Variants in PCSK6 observed in about 807,000 individuals in gnomAD.
PCSK6 encodes the protein proprotein convertase subtilisin/kexin type 6.
A neutral mutation model predicts 123.3 loss-of-function variants in PCSK6; 85 were observed. That is an observed-to-expected ratio of 0.69 (90% confidence interval 0.58 to 0.83). The LOEUF (loss-of-function observed/expected upper bound fraction) is 0.83, where lower values mean the gene tolerates loss of function less well. Ranked by LOEUF, PCSK6 falls within the 40% of genes least tolerant of loss-of-function variation. PCSK6 has a pLI of 0.00. For missense variants in PCSK6, 1,191 were observed against 1,282.3 expected, an observed-to-expected ratio of 0.93 and a Z score of 1.09; for synonymous variants, 508 against 516.0, an observed-to-expected ratio of 0.98 and a Z score of 0.21.
At chr15:101,396,446 C>T (rs945963440) in intron 7 of PCSK6, among the ~76,000 whole-genome samples, 2 of 152,194 alleles carry the variant, frequency 1.3e-5, no homozygotes, top group South Asian at 2.1e-4. Context: ...AAATGACAGA[C>T]GCTCAGCAGG....
At position 101,318,332 on chromosome 15, in the gene PCSK6, G is replaced by A. The variant is rs1205244961; in HGVS notation, c.2556C>T (p.Cys852=). 6.4e-6 allele frequency: 10 copies of A among 1,558,480 alleles called. No homozygotes were observed. In the Admixed American group the frequency reaches 9.6e-5, roughly 15 times the overall value. The part of the protein sequence containing the change: ...LIRCGECHHT[C]GTCVGPGREE... ...CGGTGAACTCACCCACGCAGGTTCC[G>A]CAGGTGTGATGGCATTCCCCACATC... Residue 852 remains cysteine, a synonymous_variant, in exon 19 of 22, where the codon TGC becomes TGT. Coordinates refer to ENST00000611716, the MANE Select transcript of PCSK6 (RefSeq NM_002570.5).
In PCSK6 at chr15:101,489,168, C is replaced by A. The variant is rs1359586991; in HGVS notation, c.297+206G>T. Reference sequence around the variant, plus strand: ...CCACGCGGGACCCCAGTCCCCCCCACCCCGCCGAGTGTCCCGCGCGCGCCC... The same window carrying A: ...CCACGCGGGACCCCAGTCCCCCCCAACCCGCCGAGTGTCCCGCGCGCGCCC... On this transcript the variant is annotated intron_variant, in intron 1 of 21. Coordinates refer to ENST00000611716, the MANE Select transcript of PCSK6 (RefSeq NM_002570.5). 1.7e-4 allele frequency among the ~76,000 whole-genome samples: 2 copies of A among 12,024 alleles called. 1 individual carries two copies. The highest frequency in any genetic ancestry group is 3.6e-4 in the African/African-American group (2 of 5,626). 7.9% of individuals were successfully genotyped at this position (12,024 alleles called of 152,430 possible). A position where few individuals can be genotyped will look rare whatever the true frequency, so the allele number is the denominator to read the frequency against.
In PCSK6 at chr15:101,398,528, G is replaced by A. The variant is rs762049234; in HGVS notation, c.872C>T (p.Ser291Leu). Residue 291 changes from serine (S) to leucine (L), a missense_variant, in exon 7 of 22, where the codon TCG becomes TTG. Ser to Leu is a moderately radical substitution (Grantham distance 145, BLOSUM62 -2). Transcript: ENST00000611716. The surrounding 1 kb of genome is among the most constrained non-coding windows in gnomAD (Gnocchi z 4.6). Reference protein sequence around the residue: ...GDVTDVVEAKSLGIRPNYIDI... With the variant: ...GDVTDVVEAKLLGIRPNYIDI... Reference sequence around the variant, plus strand: ...GATGTAGTTGGGTCTGATGCCCAGCGACTTTGCCTCGACCACATCTGTGAC... The same window carrying A: ...GATGTAGTTGGGTCTGATGCCCAGCAACTTTGCCTCGACCACATCTGTGAC... 3.7e-6 allele frequency: 6 copies of A among 1,613,672 alleles called. No individual in the cohort carries two copies. Among genetic ancestry groups the A allele is most frequent in the African/African-American group, 1.3e-5 (1 of 74,940 alleles).
intron 10 of PCSK6, 38 bp from the exon 11 acceptor site, chr15:101,382,247 C>G (rs900084195): frequency 6.8e-7 from 1 of 1,481,034 alleles, no homozygotes. Context: ...GCTCTCCTGC[C>G]TCTCCCAGGA....
Position 101,324,882 on chromosome 15 carries a change from G to C in PCSK6, c.2345C>G (p.Thr782Ser). ...AGCATAAAATCCTGCAGGACAGAGG[G>C]TCACACAGGTGTTCATCTCCTGGTG... ...YHHQEMNTCVTLCPAGFYADE... is the reference protein window; with the variant it reads ...YHHQEMNTCVSLCPAGFYADE... Residue 782 changes from threonine (T) to serine (S), a missense_variant, in exon 17 of 22, where the codon ACC becomes AGC. Physicochemically the swap from Thr to Ser is moderately conservative, Grantham distance 58. Transcript: ENST00000611716. 1.2e-6 allele frequency: 2 copies of C among 1,613,558 alleles called. No individual in the cohort carries two copies. Among genetic ancestry groups the C allele is most frequent in the Non-Finnish European group, 1.7e-6 (2 of 1,179,872 alleles).
intron 12 of PCSK6, among the ~76,000 whole-genome samples, chr15:101,369,382 C>A (rs1470333479): frequency 6.6e-6 from 1 of 152,238 alleles, no homozygotes. Context: ...ATCTCTGCAG[C>A]TCCCTATAGC....
intron 1 of PCSK6, among the ~76,000 whole-genome samples, chr15:101,489,064 T>C (rs1249883434): frequency 6.7e-6 from 1 of 148,868 alleles, no homozygotes; most frequent in African/African-American, 2.4e-5. Flanking sequence ...CCCCGGCTTC[T>C]GAGGCCACAC....
At position 101,331,837 on chromosome 15, in the gene PCSK6, C is replaced by T; in HGVS notation, c.2038+15G>A. 6.2e-7 allele frequency: 1 copy of T among 1,611,730 alleles called. No individual in the cohort carries two copies. Among genetic ancestry groups the T allele is most frequent in the Non-Finnish European group, 8.5e-7 (1 of 1,178,330 alleles). On this transcript the variant is annotated intron_variant, in intron 14 of 21. Coordinates refer to ENST00000611716, the MANE Select transcript of PCSK6 (RefSeq NM_002570.5). Reference sequence around the variant, plus strand: ...CGTGGAAGCTGGCCGTCTCCTCTTACTTCAGGCTCATTACCTGTGTAATCT... The same window carrying T: ...CGTGGAAGCTGGCCGTCTCCTCTTATTTCAGGCTCATTACCTGTGTAATCT...
chr15:101,365,266 C>A (rs1284135054), intron 13 of PCSK6, among the ~76,000 whole-genome samples: 1 of 152,038 alleles, frequency 6.6e-6, no homozygotes, highest in African/African-American at 2.4e-5. Context: ...AGAGCACAAG[C>A]AACAGAAGAA....
At chr15:101,427,491 G>A (rs1436085027) in intron 6 of PCSK6, among the ~76,000 whole-genome samples, 1 of 152,172 alleles carries the variant, frequency 6.6e-6, no homozygotes, top group African/African-American at 2.4e-5. Flanking sequence ...AGGCTTGAGT[G>A]GGAGTCAGAA....
At position 101,398,279 on chromosome 15, in the gene PCSK6, C is replaced by T. The variant is rs891209638; in HGVS notation, c.996+125G>A. The T allele has an allele frequency of 1.7e-6, 2 of 1,201,782 alleles. No individual in the cohort carries two copies. Among genetic ancestry groups the T allele is most frequent in the African/African-American group, 3.0e-5 (2 of 66,184 alleles). 74.4% of individuals were successfully genotyped at this position (1,201,782 alleles called of 1,614,324 possible). A position where few individuals can be genotyped will look rare whatever the true frequency, so the allele number is the denominator to read the frequency against. On this transcript the variant is annotated intron_variant, in intron 7 of 21. Coordinates refer to ENST00000611716, the MANE Select transcript of PCSK6 (RefSeq NM_002570.5). The surrounding 1 kb of genome is among the most constrained non-coding windows in gnomAD (Gnocchi z 4.6). ...TGACTCCTCCACACTGGCCCTGGCA[C>T]CTGTCACAGCAGAGTCTTCCCTGTC...
rs750971898 is a variant in PCSK6, at chr15:101,307,275, C to T, written c.2750G>A (p.Arg917Lys). ...SCAGSSRNCS[R>K]CKTGFTQLGT... ...CAGCTGTGTGAAGCCCGTCTTACAC[C>T]TGCTACAGTTCCTGCTGGAGCCTGC... Residue 917 changes from arginine to lysine, a missense_variant, in exon 21 of 22, where the codon AGG becomes AAG. Arg to Lys is a conservative substitution (Grantham distance 26). This residue lies in a region of PCSK6 where 630 missense variants were observed against 631.4 expected (regional missense o/e 1.00). Coordinates refer to ENST00000611716, the MANE Select transcript of PCSK6 (RefSeq NM_002570.5). 6.2e-7 allele frequency: 1 copy of T among 1,613,720 alleles called. No individual in the cohort carries two copies. The highest frequency in any genetic ancestry group is 1.3e-5 in the African/African-American group (1 of 74,908).
At chr15:101,337,079 A>G (rs1047319785) in intron 13 of PCSK6, 1 of 150,808 alleles carries the variant, frequency 6.6e-6, no homozygotes, top group East Asian at 1.9e-4. Context: ...ATCTCAGCTC[A>G]CTGCAAGCTC....
intron 9 of PCSK6, among the ~76,000 whole-genome samples, chr15:101,386,990 C>G (rs769046532): frequency 3.3e-5 from 5 of 152,162 alleles, no homozygotes; most frequent in Non-Finnish European, 5.9e-5. Context: ...TCACCCATGG[C>G]GTTAAGTCTT....
chr15:101,487,790 G>A (rs2058053350), intron 1 of PCSK6, among the ~76,000 whole-genome samples: 1 of 152,162 alleles, frequency 6.6e-6, no homozygotes, highest in African/African-American at 2.4e-5. Context: ...GCCAGGGAGA[G>A]TCAAGAACTA....
chr15:101,335,763 A>G (rs756982421), intron 13 of PCSK6, among the ~76,000 whole-genome samples: 1 of 152,200 alleles, frequency 6.6e-6, no homozygotes. Context: ...TAGCTTAACT[A>G]TGGGGATACC....
rs1242907606 is a variant in PCSK6, at chr15:101,432,045, C to T, written c.458G>A (p.Ser153Asn). Residue 153 changes from serine (S) to asparagine (N), a missense_variant, in exon 3 of 22, where the codon AGT becomes AAT. Physicochemically the swap from Ser to Asn is conservative, Grantham distance 46. Around this residue, in one of 3 missense-constraint regions of PCSK6, gnomAD observed 357 missense variants for 484.5 expected, o/e 0.74. Coordinates refer to ENST00000611716, the MANE Select transcript of PCSK6 (RefSeq NM_002570.5). Reference sequence around the variant, plus strand: ...GTTGAAGTAAAGGGCCTGCGGGTCACTTCGCACCTGTCTCTTCACCCTTCG... The same window carrying T: ...GTTGAAGTAAAGGGCCTGCGGGTCATTTCGCACCTGTCTCTTCACCCTTCG... ...VKRRVKRQVR[S>N]DPQALYFNDP... The T allele has an allele frequency of 1.9e-6, 3 of 1,613,810 alleles. No homozygotes were observed. Among genetic ancestry groups the T allele is most frequent in the Middle Eastern group, 1.7e-4 (1 of 6,058 alleles).
intron 1 of PCSK6, among the ~76,000 whole-genome samples, chr15:101,472,033 T>TAA (rs11451634): frequency 0.022 from 3,319 of 151,828 alleles, 61 homozygotes; most frequent in Admixed American, 0.045. Context: ...GAAATTGTGA[T>TAA]AAAAAAAAGC....
chr15:101,406,560 C>T (rs1019911895), intron 6 of PCSK6, among the ~76,000 whole-genome samples: 2 of 152,046 alleles, frequency 1.3e-5, no homozygotes, highest in Non-Finnish European at 2.9e-5. Context: ...GCAGCCATTC[C>T]GGGCCAAGTA....
Sources: gnomAD v4.1 joint callset for allele counts (sites outside exome capture counted in the v4.1 genomes callset) on GRCh38, gnomAD v4.1.1 for gene constraint, gnomAD v4.1.1 regional missense constraint, Gnocchi (gnomAD v3.1) non-coding constraint, MANE v1.5 for transcripts, NCBI Gene and HGNC (gene_info 2026-07-23, HGNC 2026-07-21) for gene names.